The following CCDC171 variants were observed in gnomAD, a reference collection of about 807,000 sequenced individuals.
The protein encoded by CCDC171 is coiled-coil domain-containing protein 171.
Under a neutral mutation model 168.2 loss-of-function variants are expected in CCDC171, and 177 were observed. That is an observed-to-expected ratio of 1.05 (90% CI 0.93 to 1.19). The LOEUF (loss-of-function observed/expected upper bound fraction) is 1.19. CCDC171 is among the 50% of genes most tolerant of loss of function. The pLI, the probability that CCDC171 is intolerant of heterozygous loss-of-function variation, is 0.00. For missense variants in CCDC171, 1,991 were observed against 1,539.0 expected (o/e 1.29, Z -4.91); for synonymous variants, 687 against 540.8 (o/e 1.27, Z -3.75).
At chr9:15,845,004 G>A (rs768324357) in intron 21 of CCDC171, among the ~76,000 whole-genome samples, 4 of 152,032 alleles carry the variant, frequency 2.6e-5, no homozygotes, top group Non-Finnish European at 5.9e-5. Context: ...CAAATGTATT[G>A]TTTTTGTTGG....
rs140071638 is a variant in CCDC171, at chr9:15,730,901, A to G, written c.2049+1103A>G. 2.0e-3 allele frequency among the ~76,000 whole-genome samples: 306 copies of G among 152,160 alleles called. 2 individuals carry two copies. Among genetic ancestry groups the G allele is most frequent in the African/African-American group, 6.5e-3 (272 of 41,558 alleles). ...AGCATTGATATACAGTGACATGCACAAATCTTAAGTGTATAATTTGATGTT... is the reference window on the plus strand; with the variant it reads ...AGCATTGATATACAGTGACATGCACGAATCTTAAGTGTATAATTTGATGTT... On this transcript the variant is annotated intron_variant, in intron 16 of 25. Coordinates refer to ENST00000380701, the MANE Select transcript of CCDC171 (RefSeq NM_173550.4).
At chr9:15,656,347 T>C (rs1344734379) in intron 7 of CCDC171, among the ~76,000 whole-genome samples, 3 of 151,408 alleles carry the variant, frequency 2.0e-5, no homozygotes, top group Non-Finnish European at 4.4e-5. Flanking sequence ...CAAATCAATA[T>C]GTACCTGTCA....
In CCDC171 at chr9:15,786,841, C is replaced by T. The variant is rs140202520; in HGVS notation, c.3267+2147C>T. On this transcript the variant is annotated intron_variant, in intron 21 of 25. Coordinates refer to ENST00000380701, the MANE Select transcript of CCDC171 (RefSeq NM_173550.4). Reference sequence around the variant, plus strand: ...ACAATGGGTCTCATGATCTCCCCACCATGCACCTTTTGACCCCTCCCCTGC... The same window carrying T: ...ACAATGGGTCTCATGATCTCCCCACTATGCACCTTTTGACCCCTCCCCTGC... Among the ~76,000 whole-genome samples, 136 of 152,238 alleles carry T rather than the reference C, an allele frequency of 8.9e-4. 1 individual carries two copies. The highest frequency in any genetic ancestry group is 3.0e-3 in the African/African-American group (126 of 41,536).
chr9:15,854,530 A>T (rs2061272410), intron 23 of CCDC171, among the ~76,000 whole-genome samples: 1 of 151,446 alleles, frequency 6.6e-6, no homozygotes, highest in African/African-American at 2.4e-5. Context: ...TTAAGGGTCC[A>T]ACTTTTGGTT....
rs530744027 is a variant in CCDC171 at position 15,666,172 on chromosome 9, C to T, written c.925C>T (p.Arg309Ter). Reference protein sequence around the residue: ...FNSEIIQLRIRDLEGALQVEK... With the variant: ...FNSEIIQLRI Reference sequence around the variant, plus strand: ...GTCTGTCGTCCGGTAGTTACGGATTCGAGACCTTGAAGGAGCTTTGCAAGT... The same window carrying T: ...GTCTGTCGTCCGGTAGTTACGGATTTGAGACCTTGAAGGAGCTTTGCAAGT... The change falls in exon 9 of 26, where the codon CGA (arginine) becomes TGA (stop). Residue 309 changes from arginine (R) to a stop codon, truncating the protein, a stop_gained. Coordinates refer to ENST00000380701, the MANE Select transcript of CCDC171 (RefSeq NM_173550.4). LOFTEE classifies it high-confidence loss of function. 2 of 1,613,078 alleles carry T rather than the reference C, an allele frequency of 1.2e-6. No homozygotes were observed. The highest frequency in any genetic ancestry group is 2.7e-5 in the African/African-American group (2 of 74,846).
rs1357217599 is a variant in CCDC171, at chr9:15,957,419, C to T, written c.3754-14190C>T. ...CAGTTAGGAAGCTGAAATATGGTTC[C>T]GTCTCACTTTCTCCCTCATTGAATC... On this transcript the variant is annotated intron_variant, in intron 25 of 25. Transcript: ENST00000380701. Among the ~76,000 whole-genome samples the T allele has an allele frequency of 5.9e-5, 9 of 152,124 alleles. 1 individual carries two copies. Among genetic ancestry groups the T allele is most frequent in the East Asian group, 1.9e-4 (1 of 5,192 alleles).
chr9:15,858,997 T>C (rs1450651202), intron 23 of CCDC171, among the ~76,000 whole-genome samples: 2 of 152,082 alleles, frequency 1.3e-5, no homozygotes, highest in Non-Finnish European at 2.9e-5. Flanking sequence ...TTTTTAATCA[T>C]TGAGTATGAT....
intron 3 of CCDC171, among the ~76,000 whole-genome samples, chr9:15,577,451 T>A (rs1374755363): frequency 3.9e-5 from 6 of 152,186 alleles, no homozygotes; most frequent in African/African-American, 1.4e-4. Context: ...CACACCATAA[T>A]TTAAAGAACT....
rs1476327198 is a variant in CCDC171 at position 15,912,537 on chromosome 9, A to C, written c.3601-7733A>C. Among the ~76,000 whole-genome samples, 2 of 151,870 alleles carry C rather than the reference A, an allele frequency of 1.3e-5. 1 individual carries two copies. Among genetic ancestry groups the C allele is most frequent in the African/African-American group, 4.8e-5 (2 of 41,348 alleles). On this transcript the variant is annotated intron_variant, in intron 24 of 25. Coordinates refer to ENST00000380701, the MANE Select transcript of CCDC171 (RefSeq NM_173550.4). Reference sequence around the variant, plus strand: ...TTCTCTTCCTATTTGAATACCCTTTATTTCTTTCTCTTGCCTGATTGCCTT... The same window carrying C: ...TTCTCTTCCTATTTGAATACCCTTTCTTTCTTTCTCTTGCCTGATTGCCTT...
chr9:15,885,175 G>C (rs1232711432), intron 24 of CCDC171, among the ~76,000 whole-genome samples: 1 of 152,026 alleles, frequency 6.6e-6, no homozygotes, highest in East Asian at 1.9e-4. Flanking sequence ...GACAGTATTT[G>C]CTTTTATGTG....
At chr9:15,631,457 C>T (rs1336334267) in intron 7 of CCDC171, among the ~76,000 whole-genome samples, 1 of 152,090 alleles carries the variant, frequency 6.6e-6, no homozygotes, top group Admixed American at 6.6e-5. Context: ...ATACACCCAC[C>T]CAAGACTAAA....
the CCDC171 span, among the ~76,000 whole-genome samples, chr9:16,068,972 G>T: frequency 2.6e-5 from 4 of 152,164 alleles, no homozygotes; most frequent in Non-Finnish European, 4.4e-5. Flanking sequence ...ACACCCTACA[G>T]CCTGATTCCT....
intron 11 of CCDC171, among the ~76,000 whole-genome samples, chr9:15,711,672 G>A (rs181397818): frequency 6.6e-6 from 1 of 152,334 alleles, no homozygotes; most frequent in East Asian, 1.9e-4. Flanking sequence ...TAGACCTTAT[G>A]CAATTGTGGG....
At chr9:15,592,964 C>G (rs560753388) in intron 5 of CCDC171, among the ~76,000 whole-genome samples, 45 of 151,958 alleles carry the variant, frequency 3.0e-4, no homozygotes, top group African/African-American at 1.0e-3. Context: ...TGCTGGTGTG[C>G]TGCACCCATT....
chr9:15,781,182 C>T (rs1489190874), intron 20 of CCDC171, among the ~76,000 whole-genome samples: 1 of 152,044 alleles, frequency 6.6e-6, no homozygotes, highest in East Asian at 1.9e-4. Context: ...TTTCCTAGTC[C>T]ATAGTTAAGT....
intron 6 of CCDC171, among the ~76,000 whole-genome samples, chr9:16,032,390 G>C (rs1406087957): frequency 6.6e-6 from 1 of 152,198 alleles, no homozygotes; most frequent in African/African-American, 2.4e-5. Flanking sequence ...ACATAAGAGA[G>C]CAATGTGGAG....
chr9:15,602,223 A>G (rs1440012052), intron 6 of CCDC171, among the ~76,000 whole-genome samples: 1 of 150,094 alleles, frequency 6.7e-6, no homozygotes, highest in Non-Finnish European at 1.5e-5. Context: ...TTGTGACTTT[A>G]TGTTAAAAAA....
Position 15,631,197 on chromosome 9 carries a change from C to T in CCDC171, c.822+7784C>T, listed in dbSNP as rs1370190378. 1.2e-4 allele frequency among the ~76,000 whole-genome samples: 18 copies of T among 151,956 alleles called. 1 individual carries two copies. Among genetic ancestry groups the T allele is most frequent in the African/African-American group, 3.9e-4 (16 of 41,416 alleles). On this transcript the variant is annotated intron_variant, in intron 7 of 25. Coordinates refer to ENST00000380701, the MANE Select transcript of CCDC171 (RefSeq NM_173550.4). Reference sequence around the variant, plus strand: ...AGAGCAGAACTGAAGGAAATAGAAACACAAAAAACCCTTCAAAAAATTAAT... The same window carrying T: ...AGAGCAGAACTGAAGGAAATAGAAATACAAAAAACCCTTCAAAAAATTAAT...
At chr9:15,675,190 T>G (rs573910576) in intron 9 of CCDC171, among the ~76,000 whole-genome samples, 10 of 138,796 alleles carry the variant, frequency 7.2e-5, no homozygotes, top group Non-Finnish European at 7.8e-5. Context: ...AACTCCTGTT[T>G]TTTTTTTTTT....
Sources: gnomAD v4.1 joint callset for allele counts (sites outside exome capture counted in the v4.1 genomes callset) on GRCh38, gnomAD v4.1.1 for gene constraint, MANE v1.5 for transcripts, NCBI Gene and HGNC (gene_info 2026-07-23, HGNC 2026-07-21) for gene names.